Variants in NLGN4X observed in about 807,000 individuals in gnomAD.
NLGN4X encodes the protein neuroligin-4, X-linked.
Under a neutral mutation model 40.3 loss-of-function variants are expected in NLGN4X, and 3 were observed. The observed-to-expected ratio is 0.07, with a 90% CI of 0.03 to 0.19. The LOEUF (loss-of-function observed/expected upper bound fraction) is 0.19, where lower values mean the gene tolerates loss of function less well. Among genes scored for constraint, NLGN4X ranks in the 10% least tolerant of loss-of-function variants. The pLI is 1.00. For synonymous variants in NLGN4X, 270 were observed against 306.8 expected, an observed-to-expected ratio of 0.88 and a Z score of 1.25; for missense variants, 382 against 708.3, an observed-to-expected ratio of 0.54 and a Z score of 5.23.
intron 3 of NLGN4X, among the ~76,000 whole-genome samples, chrX:5,958,980 G>A (rs1455763530): frequency 2.7e-5 from 3 of 111,834 alleles, no homozygotes; most frequent in Admixed American, 9.5e-5. Context: ...AACAGTAATC[G>A]CAGAAAAAGA....
chrX:5,989,084 T>TA (rs201183542), intron 3 of NLGN4X, among the ~76,000 whole-genome samples: 19 of 80,466 alleles, frequency 2.4e-4, no homozygotes, highest in Middle Eastern at 6.1e-3. Context: ...ATAAAAAAAA[T>TA]AAAAAAAATA....
chrX:5,900,070 C>T (rs759154031), intron 5 of NLGN4X, among the ~76,000 whole-genome samples: 9 of 112,355 alleles, frequency 8.0e-5, no homozygotes, highest in Non-Finnish European at 1.5e-4. Flanking sequence ...CAAGGGCAGA[C>T]ACCGCCTATC....
In NLGN4X at chrX:6,151,563, G is replaced by A. The variant is rs2040167698; in HGVS notation, c.-97C>T. On this transcript the variant is annotated 5_prime_UTR_variant, in exon 2 of 6. Transcript: ENST00000381095. ...GCCTGCAGAGAGATAGGGCTTTCCA[G>A]GGAGCAGTAGACCTGGGAGAGACTC... The A allele has an allele frequency of 9.3e-5, 65 of 697,595 alleles. No individual in the cohort carries two copies. The South Asian group carries it at 1.4e-3, about 15-fold the overall frequency. The allele number at this position is 697,595 out of a possible 1,213,427, so 57.5% of individuals were successfully genotyped here.
chrX:6,198,941 TA>T (rs995634624), intron 1 of NLGN4X, among the ~76,000 whole-genome samples: 1 of 112,048 alleles, frequency 8.9e-6, no homozygotes, highest in African/African-American at 3.2e-5. Context: ...ATTTTTAAGT[TA>T]AAAAGAAGTA....
chrX:5,989,301 T>C (rs747569935), intron 3 of NLGN4X, among the ~76,000 whole-genome samples: 8 of 111,038 alleles, frequency 7.2e-5, no homozygotes, highest in Non-Finnish European at 1.3e-4. Context: ...CTCTGAAACG[T>C]TTTAAAGTGA....
chrX:5,994,883 C>T (rs2035777504), intron 3 of NLGN4X, among the ~76,000 whole-genome samples: 1 of 112,374 alleles, frequency 8.9e-6, no homozygotes, highest in Non-Finnish European at 1.9e-5. Context: ...ACTTGACTAC[C>T]TTAATCCTAA....
intron 2 of NLGN4X, among the ~76,000 whole-genome samples, chrX:6,044,461 G>A (rs1465866772): frequency 8.9e-6 from 1 of 111,819 alleles, no homozygotes; most frequent in African/African-American, 3.3e-5. Flanking sequence ...ACCCACAACC[G>A]ACATGAACTT....
intron 2 of NLGN4X, among the ~76,000 whole-genome samples, chrX:6,124,026 T>C (rs1345303168): frequency 9.1e-6 from 1 of 109,487 alleles, no homozygotes; most frequent in African/African-American, 3.3e-5. Context: ...ATACATAAAC[T>C]TGAAAATGAA....
intron 3 of NLGN4X, among the ~76,000 whole-genome samples, chrX:5,920,982 T>C (rs954564872): frequency 9.1e-6 from 1 of 110,130 alleles, no homozygotes; most frequent in Admixed American, 9.8e-5. Context: ...GGCTGGGTGG[T>C]AGTGATGATT....
chrX:5,916,809 C>A (rs765208653), intron 3 of NLGN4X, among the ~76,000 whole-genome samples: 5 of 112,068 alleles, frequency 4.5e-5, no homozygotes, highest in African/African-American at 1.6e-4. Flanking sequence ...GTGATTATTT[C>A]GAAGCATGTG....
At chrX:6,144,606 G>A (rs960737316) in intron 2 of NLGN4X, among the ~76,000 whole-genome samples, 6 of 111,248 alleles carry the variant, frequency 5.4e-5, no homozygotes, top group South Asian at 3.9e-4. Context: ...TGCCACCTGC[G>A]TTCCTTTCTC....
At chrX:5,901,866 GTA>G (rs1222683606) in intron 5 of NLGN4X, among the ~76,000 whole-genome samples, 14 of 105,320 alleles carry the variant, frequency 1.3e-4, no homozygotes, top group African/African-American at 4.1e-4. Context: ...ATATTTGTGT[GTA>G]TATATATACA....
chrX:6,099,892 C>T (rs1010983230), intron 2 of NLGN4X, among the ~76,000 whole-genome samples: 2 of 111,485 alleles, frequency 1.8e-5, no homozygotes, highest in Middle Eastern at 4.6e-3. Flanking sequence ...GTCCGGGAGA[C>T]CCTAACCCAG....
At chrX:5,917,679 C>T (rs2032863982) in intron 3 of NLGN4X, among the ~76,000 whole-genome samples, 1 of 111,877 alleles carries the variant, frequency 8.9e-6, no homozygotes, top group African/African-American at 3.2e-5. Context: ...AAATGGTTAC[C>T]TACTAGCCTG....
At chrX:5,936,595 C>G (rs2033738906) in intron 3 of NLGN4X, among the ~76,000 whole-genome samples, 1 of 111,644 alleles carries the variant, frequency 9.0e-6, no homozygotes, top group African/African-American at 3.3e-5. Flanking sequence ...CAAGAAAGTT[C>G]CCAGCTACGT....
intron 3 of NLGN4X, among the ~76,000 whole-genome samples, chrX:5,965,618 G>C (rs189306198): frequency 2.5e-4 from 28 of 111,640 alleles, no homozygotes; most frequent in Non-Finnish European, 4.5e-4. Flanking sequence ...CGCTGTGCAG[G>C]TTCTGAAACC....
chrX:5,977,419 A>C (rs1207426568), intron 3 of NLGN4X, among the ~76,000 whole-genome samples: 1 of 109,806 alleles, frequency 9.1e-6, no homozygotes, highest in Non-Finnish European at 1.9e-5. Context: ...ATGGGGTCTC[A>C]CTATGTTACC....
intron 2 of NLGN4X, among the ~76,000 whole-genome samples, chrX:6,125,535 A>G (rs1225406567): frequency 9.0e-6 from 1 of 111,485 alleles, no homozygotes; most frequent in Non-Finnish European, 1.9e-5. Flanking sequence ...AAACAAAGTT[A>G]TAAAAAATAC....
At chrX:6,127,226 C>T (rs1202716332) in intron 2 of NLGN4X, among the ~76,000 whole-genome samples, 1 of 111,888 alleles carries the variant, frequency 8.9e-6, no homozygotes, top group Admixed American at 9.5e-5. Flanking sequence ...CACATAAGGA[C>T]TCCACTATCC....
Sources: allele counts gnomAD v4.1 joint callset (sites outside exome capture counted in the v4.1 genomes callset), GRCh38; gene constraint gnomAD v4.1.1; transcripts MANE v1.5; gene names NCBI Gene and HGNC (gene_info 2026-07-23, HGNC 2026-07-21).